Variants in SPRR2B observed in about 807,000 individuals in gnomAD.
SPRR2B encodes small proline-rich protein 2B.
In SPRR2B, 1 loss-of-function variant was observed where a neutral mutation model predicts 1.0. The ratio of observed to expected loss-of-function variants is 1.01; its 90% confidence interval spans 0.36 to 4.77. The LOEUF (loss-of-function observed/expected upper bound fraction) is 4.77, where lower values mean the gene tolerates loss of function less well. Ranked by LOEUF, SPRR2B falls within the 30% of genes most tolerant of loss-of-function variation. The pLI is 0.16. For missense variants in SPRR2B, 53 were observed against 88.7 expected (o/e 0.60, Z 1.62); for synonymous variants, 27 against 33.4 (o/e 0.81, Z 0.66).
At chr1:153,076,442 T>A (rs552140694), upstream of SPRR2B, among the ~76,000 whole-genome samples, 18 of 152,256 alleles carry the variant, frequency 1.2e-4, no homozygotes, top group African/African-American at 4.1e-4. Context: ...CTTTTCAAGA[T>A]AGTGAATGTG....
chr1:153,076,572 A>C (rs539435035), upstream of SPRR2B, among the ~76,000 whole-genome samples: 73 of 152,346 alleles, frequency 4.8e-4, no homozygotes, highest in African/African-American at 1.7e-3. Flanking sequence ...GAGAGTCCTG[A>C]AAATTCTACT....
chr1:153,087,085 G>A, the SPRR2B span, among the ~76,000 whole-genome samples: 1 of 152,002 alleles, frequency 6.6e-6, no homozygotes, highest in East Asian at 1.9e-4. Flanking sequence ...GAAATTTATA[G>A]CACTATAACA....
upstream of SPRR2B, among the ~76,000 whole-genome samples, chr1:153,073,695 T>TCACACA (rs4041380): frequency 0.041 from 5,863 of 144,488 alleles, 132 homozygotes; most frequent in Admixed American, 0.066. Flanking sequence ...GAGGCATACT[T>TCACACA]CACACACACA....
At chr1:153,080,652 G>A in the SPRR2B span, among the ~76,000 whole-genome samples, 2 of 152,156 alleles carry the variant, frequency 1.3e-5, no homozygotes, top group African/African-American at 4.8e-5. Flanking sequence ...AACATAGGAT[G>A]AGAGTCCTGC....
At chr1:153,078,090 A>G in the SPRR2B span, among the ~76,000 whole-genome samples, 3 of 152,234 alleles carry the variant, frequency 2.0e-5, no homozygotes, top group African/African-American at 7.2e-5. Flanking sequence ...ATTACTTTAA[A>G]TGTAAATGAA....
chr1:153,081,799 A>G, the SPRR2B span, among the ~76,000 whole-genome samples: 1 of 150,504 alleles, frequency 6.6e-6, no homozygotes, highest in Non-Finnish European at 1.5e-5. Context: ...AGGTTGTATG[A>G]GTCAATTTTC....
chr1:153,087,712 G>A, the SPRR2B span, among the ~76,000 whole-genome samples: 18 of 152,118 alleles, frequency 1.2e-4, no homozygotes, highest in Middle Eastern at 3.2e-3. Context: ...TTGCATTTGT[G>A]AAAGGACCAA....
the SPRR2B span, among the ~76,000 whole-genome samples, chr1:153,086,319 A>G: frequency 4.3e-4 from 66 of 152,350 alleles, no homozygotes; most frequent in South Asian, 4.3e-3. Flanking sequence ...CTCAAAGTAA[A>G]GGGATGGAGA....
At chr1:153,080,485 C>T in the SPRR2B span, among the ~76,000 whole-genome samples, 1 of 152,016 alleles carries the variant, frequency 6.6e-6, no homozygotes, top group African/African-American at 2.4e-5. Context: ...CTTTTCCAAT[C>T]ACAGTGGAAT....
At chr1:153,084,394 A>G in the SPRR2B span, among the ~76,000 whole-genome samples, 1 of 152,126 alleles carries the variant, frequency 6.6e-6, no homozygotes, top group Non-Finnish European at 1.5e-5. Flanking sequence ...ATGCCAATGT[A>G]TACCCTTGTG....
the SPRR2B span, among the ~76,000 whole-genome samples, chr1:153,077,545 G>A: frequency 1.3e-5 from 2 of 151,154 alleles, no homozygotes; most frequent in East Asian, 3.9e-4. Flanking sequence ...GCAAACTCAC[G>A]ATGTATAGAG....
At chr1:153,075,967 T>TA (rs1048386630), upstream of SPRR2B, among the ~76,000 whole-genome samples, 2 of 151,956 alleles carry the variant, frequency 1.3e-5, no homozygotes, top group Admixed American at 6.6e-5. Context: ...ATTCAGATAA[T>TA]AAAAAAAAGT....
the SPRR2B span, among the ~76,000 whole-genome samples, chr1:153,078,214 A>T: frequency 6.6e-6 from 1 of 152,232 alleles, no homozygotes; most frequent in East Asian, 1.9e-4. Context: ...AGGTGAAAGT[A>T]ATAGGATAGA....
At chr1:153,074,361 A>G (rs1654734020), upstream of SPRR2B, among the ~76,000 whole-genome samples, 2 of 152,260 alleles carry the variant, frequency 1.3e-5, no homozygotes, top group African/African-American at 4.8e-5. Context: ...ATTAAATATG[A>G]AAAAATAAAG....
the SPRR2B span, among the ~76,000 whole-genome samples, chr1:153,078,189 T>A: frequency 7.9e-5 from 12 of 152,108 alleles, no homozygotes; most frequent in Admixed American, 7.2e-4. Context: ...AACTTTACAG[T>A]TAAAGACACA....
chr1:153,085,792 G>A, the SPRR2B span, among the ~76,000 whole-genome samples: 8 of 152,128 alleles, frequency 5.3e-5, no homozygotes, highest in Non-Finnish European at 1.2e-4. Context: ...GAAAGATCAG[G>A]TCACCTACAT....
chr1:153,079,954 G>A, the SPRR2B span, among the ~76,000 whole-genome samples: 2 of 152,112 alleles, frequency 1.3e-5, no homozygotes, highest in Non-Finnish European at 2.9e-5. Flanking sequence ...ATTACTTTGG[G>A]CAGTGTGGCC....
At chr1:153,077,682 T>A in the SPRR2B span, among the ~76,000 whole-genome samples, 2 of 151,928 alleles carry the variant, frequency 1.3e-5, no homozygotes, top group Non-Finnish European at 2.9e-5. Context: ...AGTGGCATGA[T>A]CTTGGTTCAC....
the SPRR2B span, among the ~76,000 whole-genome samples, chr1:153,077,902 G>A: frequency 2.0e-5 from 3 of 151,750 alleles, no homozygotes; most frequent in East Asian, 5.8e-4. Context: ...ATAACTTTAG[G>A]ATATTATACA....
Sources: gnomAD v4.1 joint callset for allele counts (sites outside exome capture counted in the v4.1 genomes callset) on GRCh38, gnomAD v4.1.1 for gene constraint, MANE v1.5 for transcripts, NCBI Gene and HGNC (gene_info 2026-07-23, HGNC 2026-07-21) for gene names.